Variants in POFUT3 observed in about 807,000 individuals in gnomAD.
POFUT3 encodes GDP-fucose protein O-fucosyltransferase 3.
the POFUT3 span, among the ~76,000 whole-genome samples, chr8:33,406,598 A>G: frequency 6.6e-6 from 1 of 151,740 alleles, no homozygotes; most frequent in African/African-American, 2.4e-5. Context: ...CGCCTGGCTA[A>G]TTTTTAATTT....
the POFUT3 span, among the ~76,000 whole-genome samples, chr8:33,333,980 TA>T: frequency 6.6e-6 from 1 of 152,090 alleles, no homozygotes; most frequent in East Asian, 1.9e-4. Context: ...TTCATTTTTC[TA>T]AAAAGAAAAA....
chr8:33,420,508 T>C, the POFUT3 span, among the ~76,000 whole-genome samples: 2 of 152,206 alleles, frequency 1.3e-5, no homozygotes, highest in Admixed American at 1.3e-4. Flanking sequence ...TCTGTCTGTT[T>C]TGTTTGCATA....
chr8:33,421,310 G>A, the POFUT3 span, among the ~76,000 whole-genome samples: 5 of 152,240 alleles, frequency 3.3e-5, no homozygotes, highest in East Asian at 9.6e-4. Context: ...CTGCCCTCTA[G>A]TGTCACTTTG....
chr8:33,409,822 G>A, the POFUT3 span, among the ~76,000 whole-genome samples: 2 of 152,268 alleles, frequency 1.3e-5, no homozygotes, highest in East Asian at 1.9e-4. Context: ...GGAGAATGGC[G>A]TGAACCCATG....
chr8:33,345,161 A>G, the POFUT3 span, among the ~76,000 whole-genome samples: 1 of 152,234 alleles, frequency 6.6e-6, no homozygotes, highest in Non-Finnish European at 1.5e-5. Flanking sequence ...CTTGGATGAC[A>G]TCAACCTATT....
At chr8:33,408,659 C>A in the POFUT3 span, among the ~76,000 whole-genome samples, 1 of 152,088 alleles carries the variant, frequency 6.6e-6, no homozygotes, top group Non-Finnish European at 1.5e-5. Context: ...AATAGAGGAA[C>A]CTCAGAAACA....
chr8:33,372,749 G>A, the POFUT3 span: 2 of 1,614,014 alleles, frequency 1.2e-6, no homozygotes, highest in Non-Finnish European at 1.7e-6. Flanking sequence ...AAACACTGTG[G>A]GCTCTGGGCA....
At chr8:33,447,381 G>A in the POFUT3 span, among the ~76,000 whole-genome samples, 12 of 151,980 alleles carry the variant, frequency 7.9e-5, no homozygotes, top group East Asian at 1.9e-4. Context: ...CTTGGGAGGC[G>A]GAGCTTGCAG....
chr8:33,407,146 A>C, the POFUT3 span, among the ~76,000 whole-genome samples: 7 of 152,210 alleles, frequency 4.6e-5, no homozygotes, highest in Non-Finnish European at 8.8e-5. Flanking sequence ...GGCACAGTAA[A>C]ATGCCAGAGA....
chr8:33,328,922 C>T, the POFUT3 span, among the ~76,000 whole-genome samples: 1 of 152,324 alleles, frequency 6.6e-6, no homozygotes, highest in South Asian at 2.1e-4. Context: ...GTAAAGACCC[C>T]TATACACTTT....
the POFUT3 span, among the ~76,000 whole-genome samples, chr8:33,358,739 C>G: frequency 6.6e-6 from 1 of 151,840 alleles, no homozygotes; most frequent in Non-Finnish European, 1.5e-5. Context: ...GTGCTGGGCT[C>G]GGTCTGTAAT....
chr8:33,407,352 C>T, the POFUT3 span, among the ~76,000 whole-genome samples: 1 of 152,144 alleles, frequency 6.6e-6, no homozygotes, highest in South Asian at 2.1e-4. Flanking sequence ...ATTAAACTGA[C>T]TTCAAAGTAA....
chr8:33,387,362 A>G, the POFUT3 span, among the ~76,000 whole-genome samples: 2 of 152,210 alleles, frequency 1.3e-5, no homozygotes, highest in Admixed American at 6.5e-5. Flanking sequence ...TTTGTCTACC[A>G]TATACATAGT....
the POFUT3 span, among the ~76,000 whole-genome samples, chr8:33,365,795 TA>T: frequency 6.6e-6 from 1 of 152,234 alleles, no homozygotes; most frequent in South Asian, 2.1e-4. Flanking sequence ...GGAATGCTTT[TA>T]CACTGTTGGT....
At chr8:33,357,570 ATATC>A in the POFUT3 span, among the ~76,000 whole-genome samples, 1 of 151,620 alleles carries the variant, frequency 6.6e-6, no homozygotes, top group African/African-American at 2.4e-5. Flanking sequence ...ATATGTGTAT[ATATC>A]TATATTTCTC....
the POFUT3 span, chr8:33,372,735 A>G: frequency 1.2e-6 from 2 of 1,614,026 alleles, no homozygotes; most frequent in South Asian, 1.1e-5. Flanking sequence ...AGTGGTGAGA[A>G]AGCAAACACT....
the POFUT3 span, among the ~76,000 whole-genome samples, chr8:33,356,766 T>C: frequency 6.6e-6 from 1 of 152,326 alleles, no homozygotes; most frequent in Admixed American, 6.5e-5. Flanking sequence ...TCCTGAATGG[T>C]AATGCGTAGG....
At chr8:33,451,103 T>TGTAC in the POFUT3 span, among the ~76,000 whole-genome samples, 4 of 149,416 alleles carry the variant, frequency 2.7e-5, no homozygotes, top group Non-Finnish European at 6.0e-5. Context: ...CACATACATG[T>TGTAC]ACATACATAC....
At chr8:33,389,567 G>A in the POFUT3 span, 1 of 1,614,174 alleles carries the variant, frequency 6.2e-7, no homozygotes, top group East Asian at 2.2e-5. Context: ...CTTGTTTTTG[G>A]ACTGCAAAGG....
Sources: gnomAD v4.1 joint callset for allele counts (sites outside exome capture counted in the v4.1 genomes callset) on GRCh38, gnomAD v4.1.1 for gene constraint, MANE v1.5 for transcripts, NCBI Gene and HGNC (gene_info 2026-07-23, HGNC 2026-07-21) for gene names.